Variants in ATOSA observed in about 807,000 individuals in gnomAD.
The protein encoded by ATOSA is atos homolog A, also known as atos homolog protein A.
At chr15:52,682,978 C>A in the ATOSA span, among the ~76,000 whole-genome samples, 1 of 151,962 alleles carries the variant, frequency 6.6e-6, no homozygotes, top group African/African-American at 2.4e-5. Context: ...GTTTGTCTAC[C>A]CTCTAAAACC....
chr15:52,608,303 C>G, the ATOSA span, among the ~76,000 whole-genome samples: 1 of 152,044 alleles, frequency 6.6e-6, no homozygotes, highest in African/African-American at 2.4e-5. Flanking sequence ...AATTACTGTC[C>G]TATTAACAGT....
chr15:52,648,571 C>G, the ATOSA span: 1 of 152,034 alleles, frequency 6.6e-6, no homozygotes, highest in East Asian at 1.9e-4. Flanking sequence ...TTTCTTCTAA[C>G]TGTATGTTTG....
chr15:52,671,227 T>G, the ATOSA span, among the ~76,000 whole-genome samples: 1 of 152,226 alleles, frequency 6.6e-6, no homozygotes, highest in Non-Finnish European at 1.5e-5. Flanking sequence ...AATTAAGAAA[T>G]ATAACCTTTA....
the ATOSA span, among the ~76,000 whole-genome samples, chr15:52,590,967 AATC>A: frequency 5.3e-5 from 8 of 152,234 alleles, no homozygotes; most frequent in African/African-American, 1.9e-4. Context: ...AACAATCTGC[AATC>A]ATCTGCGTGT....
chr15:52,664,672 G>A, the ATOSA span, among the ~76,000 whole-genome samples: 1 of 152,178 alleles, frequency 6.6e-6, no homozygotes, highest in African/African-American at 2.4e-5. Context: ...TGTGCGCATG[G>A]TGGCTTACGC....
the ATOSA span, among the ~76,000 whole-genome samples, chr15:52,640,095 TAAG>T: frequency 6.6e-5 from 10 of 152,068 alleles, no homozygotes; most frequent in Non-Finnish European, 1.5e-4. Context: ...CATAAAATAC[TAAG>T]AATACAGTAA....
the ATOSA span, among the ~76,000 whole-genome samples, chr15:52,607,354 T>A: frequency 6.6e-6 from 1 of 152,200 alleles, no homozygotes; most frequent in African/African-American, 2.4e-5. Context: ...TTTCTGACTG[T>A]TTTTGCTCTA....
chr15:52,592,245 T>C, the ATOSA span, among the ~76,000 whole-genome samples: 3 of 152,020 alleles, frequency 2.0e-5, no homozygotes, highest in Admixed American at 2.0e-4. Flanking sequence ...GGCCAGATAG[T>C]AAGTTAGGAA....
chr15:52,614,568 C>A, the ATOSA span, among the ~76,000 whole-genome samples: 1 of 151,764 alleles, frequency 6.6e-6, no homozygotes, highest in Non-Finnish European at 1.5e-5. Context: ...TATTTTCGGG[C>A]CGGGCGTGGT....
the ATOSA span, among the ~76,000 whole-genome samples, chr15:52,677,069 T>C: frequency 6.6e-6 from 1 of 152,182 alleles, no homozygotes; most frequent in Admixed American, 6.5e-5. Flanking sequence ...AATAGACCTA[T>C]TTTACCCAGA....
At chr15:52,629,974 G>C in the ATOSA span, among the ~76,000 whole-genome samples, 1 of 152,118 alleles carries the variant, frequency 6.6e-6, no homozygotes, top group Admixed American at 6.5e-5. Context: ...GTATACAATA[G>C]AGTAAAATTA....
At chr15:52,636,098 A>C in the ATOSA span, among the ~76,000 whole-genome samples, 1 of 138,044 alleles carries the variant, frequency 7.2e-6, no homozygotes, top group Non-Finnish European at 1.5e-5. Flanking sequence ...ATAAAATTAA[A>C]TATTAAATTA....
the ATOSA span, chr15:52,610,152 A>C: frequency 6.2e-7 from 1 of 1,613,990 alleles, no homozygotes; most frequent in South Asian, 1.1e-5. Context: ...GTTCTGCTTC[A>C]TTTGGGTTAT....
the ATOSA span, among the ~76,000 whole-genome samples, chr15:52,705,307 A>T: frequency 6.6e-6 from 1 of 151,974 alleles, no homozygotes. Context: ...TTGAACAATG[A>T]GAACACATGG....
At chr15:52,688,342 A>T in the ATOSA span, among the ~76,000 whole-genome samples, 1 of 152,220 alleles carries the variant, frequency 6.6e-6, no homozygotes, top group African/African-American at 2.4e-5. Context: ...CCAATGATCC[A>T]ACCTCAAGAT....
chr15:52,668,020 G>C, the ATOSA span, among the ~76,000 whole-genome samples: 1 of 152,184 alleles, frequency 6.6e-6, no homozygotes, highest in East Asian at 1.9e-4. Flanking sequence ...AAATATCAGA[G>C]ACAGAACTAC....
chr15:52,692,251 A>G, the ATOSA span, among the ~76,000 whole-genome samples: 1 of 152,240 alleles, frequency 6.6e-6, no homozygotes, highest in East Asian at 1.9e-4. Context: ...ACAAATTGCC[A>G]TACTATCTGA....
the ATOSA span, among the ~76,000 whole-genome samples, chr15:52,594,213 AC>A: frequency 1.3e-5 from 2 of 152,224 alleles, no homozygotes; most frequent in Non-Finnish European, 2.9e-5. Flanking sequence ...TATAATTCTA[AC>A]CGAGAAATAA....
the ATOSA span, among the ~76,000 whole-genome samples, chr15:52,626,896 G>C: frequency 6.6e-6 from 1 of 152,154 alleles, no homozygotes. Context: ...TTCTGTAACA[G>C]TTATTCAGCC....
Sources: gnomAD v4.1 joint callset for allele counts (sites outside exome capture counted in the v4.1 genomes callset) on GRCh38, gnomAD v4.1.1 for gene constraint, MANE v1.5 for transcripts, NCBI Gene and HGNC (gene_info 2026-07-23, HGNC 2026-07-21) for gene names.